The following ESRRG variants were observed in gnomAD, a reference collection of about 807,000 sequenced individuals.
The protein encoded by ESRRG is estrogen-related receptor gamma.
In ESRRG, 13 loss-of-function variants were observed where a neutral mutation model predicts 44.0. The observed-to-expected ratio is 0.30, with a 90% CI of 0.19 to 0.47. The LOEUF is 0.47. ESRRG is among the 20% of genes least tolerant of loss of function. ESRRG has a pLI of 1.00. For synonymous variants in ESRRG, 215 were observed against 214.6 expected, an observed-to-expected ratio of 1.00 and a Z score of -0.02; for missense variants, 395 against 580.6, an observed-to-expected ratio of 0.68 and a Z score of 3.29.
intron 1 of ESRRG, among the ~76,000 whole-genome samples, chr1:217,032,888 A>ATGCACAATT (rs1266669121): frequency 2.0e-5 from 3 of 152,212 alleles, no homozygotes; most frequent in African/African-American, 7.2e-5. Context: ...CCATTGTTAC[A>ATGCACAATT]TGCACAATTT....
intron 2 of ESRRG, among the ~76,000 whole-genome samples, chr1:216,800,042 C>T (rs570918045): frequency 6.6e-6 from 1 of 152,016 alleles, no homozygotes; most frequent in African/African-American, 2.4e-5. Context: ...TATGCTAAAA[C>T]AAAGAAAAGA....
At chr1:216,741,144 A>G (rs1348558957) in intron 2 of ESRRG, among the ~76,000 whole-genome samples, 2 of 149,976 alleles carry the variant, frequency 1.3e-5, no homozygotes, top group East Asian at 3.9e-4. Flanking sequence ...ACATTGTCTA[A>G]ACAGAGGATT....
intron 2 of ESRRG, among the ~76,000 whole-genome samples, chr1:216,905,747 T>C (rs1179706169): frequency 1.3e-5 from 2 of 152,154 alleles, no homozygotes; most frequent in Non-Finnish European, 2.9e-5. Context: ...TTTATTCTTC[T>C]TCTTTTCTTT....
Position 217,006,758 on chromosome 1 carries a change from G to A in ESRRG, c.-105-67085C>T, listed in dbSNP as rs75023783. 3.7e-3 allele frequency among the ~76,000 whole-genome samples: 564 copies of A among 152,112 alleles called. 5 individuals carry two copies. The highest frequency in any genetic ancestry group is 0.013 in the African/African-American group (524 of 41,536). The stretch of plus-strand genomic sequence containing the variant: ...ACAAAGTTTTAACTGTGCTTTGACT[G>A]AAACCCATTACATGAGGTCAGGTGT... On this transcript the variant is annotated intron_variant, in intron 1 of 7. Transcript: ENST00000359162.
chr1:216,732,746 G>GTGATCAA (rs1174211020), intron 2 of ESRRG, among the ~76,000 whole-genome samples: 1 of 148,982 alleles, frequency 6.7e-6, no homozygotes, highest in South Asian at 2.1e-4. Flanking sequence ...CAAGGCATCA[G>GTGATCAA]TGATCAATGA....
chr1:216,574,088 G>T (rs906219135), intron 3 of ESRRG, among the ~76,000 whole-genome samples: 9 of 151,980 alleles, frequency 5.9e-5, no homozygotes, highest in African/African-American at 1.9e-4. Context: ...TTTCTCCCAG[G>T]AAATAAAAGA....
intron 1 of ESRRG, among the ~76,000 whole-genome samples, chr1:217,022,326 G>A (rs563419023): frequency 1.3e-5 from 2 of 152,294 alleles, no homozygotes; most frequent in South Asian, 4.1e-4. Flanking sequence ...CCCCAAAATA[G>A]GCGGGTGGAA....
intron 5 of ESRRG, among the ~76,000 whole-genome samples, chr1:216,535,396 C>T (rs1174491085): frequency 6.6e-6 from 1 of 152,094 alleles, no homozygotes; most frequent in African/African-American, 2.4e-5. Context: ...ACAAGCCTTT[C>T]CTGCATGAAT....
chr1:216,627,876 C>T (rs2063454950), intron 3 of ESRRG, among the ~76,000 whole-genome samples: 1 of 151,940 alleles, frequency 6.6e-6, no homozygotes, highest in South Asian at 2.1e-4. Flanking sequence ...TGAAAGTATT[C>T]CTATGCTTGT....
intron 1 of ESRRG, among the ~76,000 whole-genome samples, chr1:216,983,341 C>T (rs1032385461): frequency 3.9e-5 from 6 of 151,944 alleles, no homozygotes; most frequent in Admixed American, 6.6e-5. Context: ...AAGTGATCCT[C>T]TGACCTCAGC....
At chr1:216,524,230 C>A (rs965438009) in intron 5 of ESRRG, among the ~76,000 whole-genome samples, 5 of 134,618 alleles carry the variant, frequency 3.7e-5, no homozygotes, top group Admixed American at 1.5e-4. Flanking sequence ...TATATATATA[C>A]ATATATATAT....
At chr1:216,769,142 T>A (rs34231484) in intron 2 of ESRRG, among the ~76,000 whole-genome samples, 13,302 of 152,066 alleles carry the variant, frequency 0.087, 799 homozygotes, top group Middle Eastern at 0.17. Flanking sequence ...CAGGAGACAA[T>A]CAATTGATTA....
intron 2 of ESRRG, among the ~76,000 whole-genome samples, chr1:216,903,554 G>A (rs2059342547): frequency 1.3e-5 from 2 of 151,930 alleles, no homozygotes; most frequent in South Asian, 2.1e-4. Flanking sequence ...AATGGAGGGT[G>A]TGAACATGAT....
chr1:216,992,862 T>C (rs1166087067), intron 1 of ESRRG, among the ~76,000 whole-genome samples: 2 of 152,144 alleles, frequency 1.3e-5, no homozygotes, highest in African/African-American at 4.8e-5. Context: ...GATGCCTCAT[T>C]ATGTCCTTCC....
intron 1 of ESRRG, among the ~76,000 whole-genome samples, chr1:216,680,725 C>G (rs970562847): frequency 6.6e-6 from 1 of 152,168 alleles, no homozygotes; most frequent in African/African-American, 2.4e-5. Context: ...CCTAAAACTA[C>G]AGCGAGTCTT....
chr1:216,655,414 G>C lies in ESRRG; in HGVS notation c.473-4325C>G, dbSNP rs927790417. Among the ~76,000 whole-genome samples the C allele has an allele frequency of 3.5e-4, 54 of 152,156 alleles. 1 individual carries two copies. Among genetic ancestry groups the C allele is most frequent in the Admixed American group, 3.5e-3 (54 of 15,270 alleles). ...CAAACACAGGAATTATGCTTAGGAA[G>C]ATCAGCAAATTCTCCAAATAGGGGC... On this transcript the variant is annotated intron_variant, in intron 2 of 6. Coordinates refer to ENST00000408911, the MANE Select transcript of ESRRG (RefSeq NM_001438.4).
intron 2 of ESRRG, among the ~76,000 whole-genome samples, chr1:216,766,238 C>T (rs1209821463): frequency 6.6e-6 from 1 of 152,032 alleles, no homozygotes; most frequent in African/African-American, 2.4e-5. Flanking sequence ...CAGCCCACCA[C>T]AAAGATGAAG....
chr1:217,092,102 A>G (rs1266533909), upstream of ESRRG, among the ~76,000 whole-genome samples: 1 of 152,224 alleles, frequency 6.6e-6, no homozygotes, highest in African/African-American at 2.4e-5. Flanking sequence ...AGCGTACCCA[A>G]GAACTCTGGA....
intron 2 of ESRRG, among the ~76,000 whole-genome samples, chr1:216,900,387 G>C (rs1217979668): frequency 6.6e-6 from 1 of 152,190 alleles, no homozygotes; most frequent in Non-Finnish European, 1.5e-5. Flanking sequence ...GAAGCATGGA[G>C]GAAGATATCG....
Sources: allele counts gnomAD v4.1 joint callset (sites outside exome capture counted in the v4.1 genomes callset), GRCh38; gene constraint gnomAD v4.1.1; transcripts MANE v1.5; gene names NCBI Gene and HGNC (gene_info 2026-07-23, HGNC 2026-07-21).